SYNGR1: variants seen among roughly 807,000 people sequenced by gnomAD.
SYNGR1 encodes synaptogyrin 1, also known as synaptogyrin-1.
Under a neutral mutation model 26.1 loss-of-function variants are expected in SYNGR1, and 14 were observed. That is an observed-to-expected ratio of 0.54 (90% confidence interval 0.35 to 0.84). SYNGR1 has a LOEUF of 0.84. SYNGR1 is among the 40% of genes least tolerant of loss of function. The pLI is 0.01. For synonymous variants in SYNGR1, 141 were observed against 150.1 expected, an observed-to-expected ratio of 0.94 and a Z score of 0.44; for missense variants, 319 against 332.9, an observed-to-expected ratio of 0.96 and a Z score of 0.33.
intron 3 of SYNGR1, 74 bp downstream of exon 3, chr22:39,376,271 G>A (rs1209543741): frequency 2.4e-5 from 38 of 1,609,918 alleles, no homozygotes; most frequent in South Asian, 5.5e-5. Context: ...GTGGCCTTTC[G>A]CTAGCCTGGG....
intron 1 of SYNGR1, chr22:39,364,441 T>G: frequency 1.4e-6 from 2 of 1,379,824 alleles, no homozygotes; most frequent in South Asian, 2.5e-5. Flanking sequence ...ATGATTTAGG[T>G]GCCTTCTTCC....
chr22:39,351,660 G>A (rs1182042856), intron 1 of SYNGR1, among the ~76,000 whole-genome samples: 1 of 152,268 alleles, frequency 6.6e-6, no homozygotes, highest in East Asian at 1.9e-4. Flanking sequence ...GGCTTTGTGA[G>A]GGGGCTTGTC....
Position 39,374,352 on chromosome 22 carries a change from G to C in SYNGR1, c.136G>C (p.Glu46Gln), listed in dbSNP as rs1406795287. 2 of 1,614,044 alleles carry C rather than the reference G, an allele frequency of 1.2e-6. No homozygotes were observed. Among genetic ancestry groups the C allele is most frequent in the Admixed American group, 1.7e-5 (1 of 60,024 alleles). Reference protein sequence around the residue: ...SIVVFGSIVNEGYLNSASEGE... With the variant: ...SIVVFGSIVNQGYLNSASEGE... ...AGTGGTGTTCGGCTCCATCGTGAAC[G>C]AGGGCTACCTCAACAGCGCCTCCGA... is the stretch of plus-strand genomic sequence containing the variant. The change falls in exon 2 of 4, where the codon GAG becomes CAG. Residue 46 changes from glutamate to glutamine, a missense_variant. Glu to Gln is a conservative substitution (Grantham distance 29, BLOSUM62 2). Transcript: ENST00000328933.
Position 39,377,719 on chromosome 22 carries a change from C to A in SYNGR1, c.483+1522C>A, listed in dbSNP as rs370707737. 1.9e-6 allele frequency: 3 copies of A among 1,609,254 alleles called. No homozygotes were observed. In the African/African-American group the frequency reaches 4.0e-5, roughly 21 times the overall value. The stretch of plus-strand genomic sequence containing the variant: ...TCCCCGGCTTGCAGAGGCCGGCAGC[C>A]CTGTATCACCCCTGGCAGTGAGGTG... On this transcript the variant is annotated intron_variant, in intron 3 of 3. Transcript: ENST00000328933.
At chr22:39,354,063 C>T (rs1031926793) in intron 1 of SYNGR1, among the ~76,000 whole-genome samples, 3 of 152,088 alleles carry the variant, frequency 2.0e-5, no homozygotes, top group Admixed American at 6.5e-5. Flanking sequence ...GGGGTTTCAC[C>T]ATCTTGGCCA....
chr22:39,374,624 G>A (rs779450717), intron 2 of SYNGR1, 71 bp downstream of exon 2: 4 of 1,501,324 alleles, frequency 2.7e-6, no homozygotes, highest in Non-Finnish European at 2.8e-6. Flanking sequence ...GGAGGCGGCT[G>A]CCACCCTTCT....
chr22:39,377,712 C>T (rs760532023), intron 3 of SYNGR1: 20 of 1,610,904 alleles, frequency 1.2e-5, no homozygotes, highest in East Asian at 6.7e-5. Flanking sequence ...TTGCAGAGGC[C>T]GGCAGCCCTG....
intron 3 of SYNGR1, chr22:39,380,085 G>A (rs937780673): frequency 7.4e-5 from 11 of 149,032 alleles, no homozygotes; most frequent in African/African-American, 2.5e-4. Flanking sequence ...TAATAACAAT[G>A]TAATTGCTTT....
chr22:39,356,476 C>T (rs1288784472), intron 1 of SYNGR1, among the ~76,000 whole-genome samples: 4 of 152,190 alleles, frequency 2.6e-5, no homozygotes, highest in African/African-American at 7.2e-5. Context: ...AACCCATGGC[C>T]CCTGCTCCAG....
chr22:39,357,526 G>T (rs1403296208), intron 1 of SYNGR1, among the ~76,000 whole-genome samples: 1 of 152,222 alleles, frequency 6.6e-6, no homozygotes, highest in Non-Finnish European at 1.5e-5. Flanking sequence ...AGCTTGCAGG[G>T]AGGTGTGGAG....
intron 3 of SYNGR1, among the ~76,000 whole-genome samples, chr22:39,381,132 C>A (rs1293555553): frequency 1.3e-5 from 2 of 152,164 alleles, no homozygotes; most frequent in South Asian, 2.1e-4. Context: ...ATCTTTCATT[C>A]CTACAGACTT....
rs757785928 is a variant in SYNGR1, at chr22:39,381,738, G to A, written c.526G>A (p.Ala176Thr). ...VLAFQRYQIG[A>T]DSALFSQDYM... ...GGCCTTCCAGCGGTACCAGATTGGC[G>A]CCGACTCGGCCCTCTTCTCCCAGGA... The change falls in exon 4 of 4, where the codon GCC becomes ACC. Residue 176 changes from alanine (A) to threonine (T), a missense_variant. Transcript: ENST00000328933. 6.2e-6 allele frequency: 10 copies of A among 1,613,204 alleles called. No individual in the cohort carries two copies. Among genetic ancestry groups the A allele is most frequent in the South Asian group, 4.4e-5 (4 of 91,082 alleles).
At chr22:39,377,427 C>T (rs2145632561) in intron 3 of SYNGR1, 2 of 985,404 alleles carry the variant, frequency 2.0e-6, no homozygotes, top group Non-Finnish European at 2.4e-6. Flanking sequence ...ACCACCCAGC[C>T]TACAGGGAGG....
chr22:39,376,213 G>A lies in SYNGR1; in HGVS notation c.483+16G>A, dbSNP rs368258828. On this transcript the variant is annotated intron_variant, in intron 3 of 3. Transcript: ENST00000328933. ...CTTCACCTGGGTGAGTACAGCCACC[G>A]CGCACCAGCCCACACTCGTCCCCTT... The A allele has an allele frequency of 6.4e-5, 104 of 1,613,828 alleles. 1 individual carries two copies. The highest frequency in any genetic ancestry group is 5.6e-4 in the East Asian group (25 of 44,856).
intron 1 of SYNGR1, among the ~76,000 whole-genome samples, chr22:39,359,630 CAAAAAAAAAAAAAA>C (rs60500594): frequency 6.4e-5 from 5 of 78,132 alleles, no homozygotes; most frequent in Non-Finnish European, 4.9e-5. Context: ...GACTCTGTCT[CAAAAAAAAAAAAAA>C]AAAAAAAAAA....
At chr22:39,372,848 G>A (rs1925093299) in intron 1 of SYNGR1, among the ~76,000 whole-genome samples, 1 of 152,116 alleles carries the variant, frequency 6.6e-6, no homozygotes, top group African/African-American at 2.4e-5. Context: ...GAGGGGCTCA[G>A]TTCCCTGTGG....
At chr22:39,366,817 A>T (rs1210364646) in intron 1 of SYNGR1, among the ~76,000 whole-genome samples, 1 of 152,074 alleles carries the variant, frequency 6.6e-6, no homozygotes, top group Non-Finnish European at 1.5e-5. Context: ...GATTCTTCTC[A>T]AACCTAAGTC....
At chr22:39,376,302 C>T (rs1925280851) in intron 3 of SYNGR1, 105 bp downstream of exon 3, 1 of 1,565,918 alleles carries the variant, frequency 6.4e-7, no homozygotes, top group Non-Finnish European at 8.7e-7. Context: ...CCTCTGGGAG[C>T]CCACACTACC....
rs371541919 is a variant in SYNGR1 at position 39,362,842 on chromosome 22, TCTCTGA to T, written c.100-11471_100-11466del. ...TTCTACCCCCCGTGCTGCCTGGCCC[TCTCTGA>T]CTATCAGACTTGCTGTCTACTCCCC... On this transcript the variant is annotated intron_variant, in intron 1 of 3. Transcript: ENST00000328933. Among the ~76,000 whole-genome samples the T allele has an allele frequency of 1.3e-3, 194 of 152,186 alleles. 1 individual carries two copies. The highest frequency in any genetic ancestry group is 4.6e-3 in the African/African-American group (189 of 41,520).
Sources: allele counts gnomAD v4.1 joint callset (sites outside exome capture counted in the v4.1 genomes callset), GRCh38; gene constraint gnomAD v4.1.1; transcripts MANE v1.5; gene names NCBI Gene and HGNC (gene_info 2026-07-23, HGNC 2026-07-21).